Variants in ZNF536 observed in about 807,000 individuals in gnomAD.
ZNF536 encodes the protein zinc finger protein 536.
Under a neutral mutation model 84.5 loss-of-function variants are expected in ZNF536, and 13 were observed. The observed-to-expected ratio is 0.15, with a 90% confidence interval of 0.10 to 0.24. The LOEUF is 0.24. Among genes scored for constraint, ZNF536 ranks in the 10% least tolerant of loss-of-function variants. ZNF536 has a pLI of 1.00. For synonymous variants in ZNF536, 811 were observed against 742.5 expected, an observed-to-expected ratio of 1.09 and a Z score of -1.50; for missense variants, 1,536 against 1,747.5, an observed-to-expected ratio of 0.88 and a Z score of 2.16.
intron 1 of ZNF536, among the ~76,000 whole-genome samples, chr19:30,598,817 T>C (rs1245144783): frequency 2.0e-5 from 3 of 152,320 alleles, no homozygotes; most frequent in Admixed American, 2.0e-4. Context: ...AGTTTACTAG[T>C]CAATTTCTTG....
intron 1 of ZNF536, among the ~76,000 whole-genome samples, chr19:30,695,730 A>T (rs1394932192): frequency 6.6e-6 from 1 of 152,074 alleles, no homozygotes; most frequent in Non-Finnish European, 1.5e-5. Context: ...CTTGGTATGG[A>T]TGGTGTGGCT....
intron 1 of ZNF536, among the ~76,000 whole-genome samples, chr19:30,398,400 T>TA (rs1555743241): frequency 6.6e-6 from 1 of 151,498 alleles, no homozygotes; most frequent in African/African-American, 2.4e-5. Context: ...TTTTTTTTTT[T>TA]AAATTATAGT....
At chr19:30,594,561 T>G (rs1188704699) in intron 1 of ZNF536, among the ~76,000 whole-genome samples, 1 of 152,196 alleles carries the variant, frequency 6.6e-6, no homozygotes. Flanking sequence ...TGACATTGAC[T>G]ATGATGGATT....
chr19:30,532,550 G>A (rs535920666), intron 2 of ZNF536, among the ~76,000 whole-genome samples: 41 of 152,172 alleles, frequency 2.7e-4, no homozygotes, highest in Non-Finnish European at 5.6e-4. Context: ...CTTAAATTAG[G>A]TATCTCGACT....
chr19:30,522,265 A>ATATGTGTATATATATATATATATATATG (rs1317932013), intron 2 of ZNF536, among the ~76,000 whole-genome samples: 1 of 110,060 alleles, frequency 9.1e-6, no homozygotes, highest in Admixed American at 9.6e-5. Flanking sequence ...ATATATACAT[A>ATATGTGTATATATATATATATATATATG]TATATATACA....
chr19:30,480,574 G>A (rs571661775), intron 2 of ZNF536, among the ~76,000 whole-genome samples: 62 of 152,222 alleles, frequency 4.1e-4, no homozygotes, highest in African/African-American at 1.5e-3. Flanking sequence ...GGGAGGGAGA[G>A]CGTTAGGACA....
chr19:30,277,050 T>C (rs1199751663), intron 1 of ZNF536, among the ~76,000 whole-genome samples: 1 of 152,186 alleles, frequency 6.6e-6, no homozygotes, highest in Non-Finnish European at 1.5e-5. Flanking sequence ...TTAGCTTGGA[T>C]TGCAAAGGAA....
chr19:30,615,278 C>T (rs1415005960), intron 1 of ZNF536, among the ~76,000 whole-genome samples: 1 of 152,084 alleles, frequency 6.6e-6, no homozygotes, highest in African/African-American at 2.4e-5. Flanking sequence ...AACCATCTTC[C>T]TTTTATTTTG....
intron 2 of ZNF536, among the ~76,000 whole-genome samples, chr19:30,330,181 A>G (rs1042257910): frequency 6.6e-6 from 1 of 152,206 alleles, no homozygotes; most frequent in South Asian, 2.1e-4. Flanking sequence ...ATTCATCAGA[A>G]AGCTGGGAGG....
intron 1 of ZNF536, among the ~76,000 whole-genome samples, chr19:30,282,141 A>C (rs1047405542): frequency 2.0e-5 from 3 of 152,232 alleles, no homozygotes; most frequent in Admixed American, 2.0e-4. Context: ...ATCAGACACC[A>C]GGAGCCTCCT....
At chr19:30,675,468 G>C (rs1032450195) in intron 1 of ZNF536, among the ~76,000 whole-genome samples, 1 of 152,142 alleles carries the variant, frequency 6.6e-6, no homozygotes, top group Admixed American at 6.5e-5. Context: ...TACTCTCAGG[G>C]CAACTTTTCA....
upstream of ZNF536, among the ~76,000 whole-genome samples, chr19:30,227,137 C>T (rs919547832): frequency 6.6e-6 from 1 of 151,486 alleles, no homozygotes; most frequent in Non-Finnish European, 1.5e-5. Flanking sequence ...GGAGGAAGGT[C>T]GAAACGCGGG....
chr19:30,597,342 G>A (rs980597337), intron 1 of ZNF536, among the ~76,000 whole-genome samples: 3 of 152,216 alleles, frequency 2.0e-5, no homozygotes, highest in Non-Finnish European at 4.4e-5. Flanking sequence ...TTGGCAAACA[G>A]ACAGATGGCC....
intron 1 of ZNF536, among the ~76,000 whole-genome samples, chr19:30,416,642 C>T (rs1488700074): frequency 1.3e-5 from 2 of 152,134 alleles, no homozygotes; most frequent in Non-Finnish European, 2.9e-5. Context: ...CAGGCTTTCT[C>T]TCTGGCACTG....
chr19:30,325,804 A>C (rs974377011), intron 2 of ZNF536, among the ~76,000 whole-genome samples: 2 of 152,148 alleles, frequency 1.3e-5, no homozygotes, highest in African/African-American at 4.8e-5. Context: ...AGATGTGCCC[A>C]CTGTTGGAGC....
intron 1 of ZNF536, among the ~76,000 whole-genome samples, chr19:30,391,256 C>T (rs1480140333): frequency 6.6e-6 from 1 of 152,244 alleles, no homozygotes; most frequent in Admixed American, 6.5e-5. Context: ...TTCTGCCCCA[C>T]ATCTGTCCCA....
intron 1 of ZNF536, among the ~76,000 whole-genome samples, chr19:30,406,181 A>G (rs2147604977): frequency 6.6e-6 from 1 of 152,302 alleles, no homozygotes; most frequent in South Asian, 2.1e-4. Context: ...GGCACATGGG[A>G]GAGACACAAT....
intron 1 of ZNF536, among the ~76,000 whole-genome samples, chr19:30,393,459 T>A (rs192002292): frequency 2.2e-4 from 34 of 152,332 alleles, no homozygotes; most frequent in Middle Eastern, 3.4e-3. Flanking sequence ...TCCCTCTCTT[T>A]ATGGAGCTTA....
chr19:30,553,238 G>A (rs562027977), intron 4 of ZNF536, among the ~76,000 whole-genome samples: 22 of 152,198 alleles, frequency 1.4e-4, no homozygotes, highest in Non-Finnish European at 2.8e-4. Flanking sequence ...ACAAAGCAAG[G>A]CAGATAAGCC....
Sources: gnomAD v4.1 joint callset for allele counts (sites outside exome capture counted in the v4.1 genomes callset) on GRCh38, gnomAD v4.1.1 for gene constraint, MANE v1.5 for transcripts, NCBI Gene and HGNC (gene_info 2026-07-23, HGNC 2026-07-21) for gene names.